Variants in ATP11C observed in about 807,000 individuals in gnomAD.
ATP11C encodes the protein ATPase phospholipid transporting 11C (ATP11C blood group).
A neutral mutation model predicts 97.4 loss-of-function variants in ATP11C; 36 were observed. That is an observed-to-expected ratio of 0.37 (90% confidence interval 0.28 to 0.49). The LOEUF (loss-of-function observed/expected upper bound fraction) is 0.49. Among genes scored for constraint, ATP11C ranks in the 20% least tolerant of loss-of-function variants. The pLI is 0.98. For synonymous variants in ATP11C, 275 were observed against 290.9 expected, an observed-to-expected ratio of 0.95 and a Z score of 0.56; for missense variants, 730 against 824.6, an observed-to-expected ratio of 0.89 and a Z score of 1.40.
At chrX:139,913,440 G>A (rs2085107285) in intron 1 of ATP11C, among the ~76,000 whole-genome samples, 1 of 111,903 alleles carries the variant, frequency 8.9e-6, no homozygotes, top group African/African-American at 3.2e-5. Flanking sequence ...CCCATAAACA[G>A]TGTCAGGCCT....
intron 1 of ATP11C, among the ~76,000 whole-genome samples, chrX:139,924,819 G>C (rs2085325389): frequency 8.9e-6 from 1 of 111,745 alleles, no homozygotes; most frequent in Non-Finnish European, 1.9e-5. Flanking sequence ...CAGTGAAAGA[G>C]GACTGGAAGC....
rs185231469 is a variant in ATP11C, at chrX:139,804,101, T to C, written c.555+370A>G. ...TGAAAATATACATTTTAGAAAAAAATAGATCAAATTGTAAGGTTAGCATAC... is the reference window on the plus strand; with the variant it reads ...TGAAAATATACATTTTAGAAAAAAACAGATCAAATTGTAAGGTTAGCATAC... On this transcript the variant is annotated intron_variant, in intron 6 of 29. Coordinates refer to ENST00000682941, the MANE Select transcript of ATP11C (RefSeq NM_001353812.2). 5.4e-3 allele frequency among the ~76,000 whole-genome samples: 600 copies of C among 111,173 alleles called. 10 individuals carry two copies. Among genetic ancestry groups the C allele is most frequent in the African/African-American group, 0.018 (549 of 30,647 alleles).
intron 1 of ATP11C, among the ~76,000 whole-genome samples, chrX:139,851,271 G>A (rs2083985549): frequency 1.8e-5 from 2 of 112,374 alleles, no homozygotes; most frequent in Non-Finnish European, 1.9e-5. Flanking sequence ...AGGGAGCCCA[G>A]GTGAGGATCG....
In ATP11C at chrX:139,787,223, T is replaced by A. The variant is rs770221486; in HGVS notation, c.1542A>T (p.Gly514=). ...CTACTCTCATATATCCATTTCGATTTCCTAAAAATGTGAACCCGTACCTAT... is the reference window on the plus strand; with the variant it reads ...CTACTCTCATATATCCATTTCGATTACCTAAAAATGTGAACCCGTACCTAT... ...GAKRYGFTFL[G]NRNGYMRVEN... Residue 514 remains glycine, a synonymous_variant, in exon 15 of 30, where the codon GGA becomes GGT. Transcript: ENST00000682941. 11 of 1,190,291 alleles carry A rather than the reference T, an allele frequency of 9.2e-6. No individual in the cohort carries two copies. The highest frequency in any genetic ancestry group is 1.1e-5 in the Non-Finnish European group (10 of 876,815).
chrX:139,759,885 T>C (rs1436234596), intron 22 of ATP11C, among the ~76,000 whole-genome samples: 3 of 111,986 alleles, frequency 2.7e-5, no homozygotes, highest in South Asian at 3.7e-4. Flanking sequence ...CTGGTGGCAG[T>C]TGCTTAAATT....
chrX:139,882,811 TAC>T (rs2084581565), intron 1 of ATP11C, among the ~76,000 whole-genome samples: 1 of 111,536 alleles, frequency 9.0e-6, no homozygotes, highest in African/African-American at 3.3e-5. Context: ...CAGCATTCTA[TAC>T]AGAGAGCTCA....
At chrX:139,834,501 A>G (rs746370563) in intron 1 of ATP11C, among the ~76,000 whole-genome samples, 3 of 111,946 alleles carry the variant, frequency 2.7e-5, no homozygotes, top group Non-Finnish European at 5.6e-5. Flanking sequence ...TGCTGCTATA[A>G]ATATAACTGA....
At chrX:139,830,135 A>G (rs1259635185) in intron 1 of ATP11C, among the ~76,000 whole-genome samples, 5 of 112,114 alleles carry the variant, frequency 4.5e-5, no homozygotes, top group Admixed American at 9.5e-5. Flanking sequence ...TGGCAAACTT[A>G]TATTTATGAG....
intron 18 of ATP11C, among the ~76,000 whole-genome samples, chrX:139,775,567 G>A (rs890533914): frequency 8.9e-6 from 1 of 112,606 alleles, no homozygotes; most frequent in Non-Finnish European, 1.9e-5. Flanking sequence ...TACAGAAAAG[G>A]GAAGAAGCGA....
At chrX:139,880,876 C>T (rs1321480759) in intron 1 of ATP11C, among the ~76,000 whole-genome samples, 1 of 111,890 alleles carries the variant, frequency 8.9e-6, no homozygotes, top group Non-Finnish European at 1.9e-5. Flanking sequence ...AGTAATTTTG[C>T]TTAATCTACA....
chrX:139,770,351 T>G (rs1382190178), intron 19 of ATP11C, among the ~76,000 whole-genome samples: 1 of 112,100 alleles, frequency 8.9e-6, no homozygotes, highest in Non-Finnish European at 1.9e-5. Context: ...GTGCAATATC[T>G]AAAGTAGGAC....
chrX:139,761,459 T>C (rs894996254), intron 22 of ATP11C, among the ~76,000 whole-genome samples: 3 of 111,527 alleles, frequency 2.7e-5, no homozygotes, highest in Non-Finnish European at 5.6e-5. Context: ...GACATGCTTA[T>C]AGACAATTAG....
intron 18 of ATP11C, among the ~76,000 whole-genome samples, chrX:139,777,254 A>G (rs1191244279): frequency 9.0e-6 from 1 of 110,951 alleles, no homozygotes; most frequent in Non-Finnish European, 1.9e-5. Context: ...GAGATCCAAG[A>G]GAAAGTTGAA....
At chrX:139,790,791 CAA>C (rs929943700) in intron 12 of ATP11C, among the ~76,000 whole-genome samples, 24 of 111,374 alleles carry the variant, frequency 2.2e-4, no homozygotes, top group South Asian at 3.8e-4. Context: ...TGAAAATACT[CAA>C]GTTTCCAAAT....
chrX:139,915,297 T>C (rs1350023767), intron 1 of ATP11C, among the ~76,000 whole-genome samples: 1 of 111,742 alleles, frequency 8.9e-6, no homozygotes, highest in Non-Finnish European at 1.9e-5. Context: ...TAAAAGTACT[T>C]GCACCTCGAT....
chrX:139,867,529 A>C (rs2084305718), intron 1 of ATP11C, among the ~76,000 whole-genome samples: 1 of 112,030 alleles, frequency 8.9e-6, no homozygotes, highest in South Asian at 3.7e-4. Context: ...CAGGCACCCA[A>C]ATAGATCATT....
Position 139,726,706 on chromosome X carries a change from G to T in ATP11C, c.*2260C>A, listed in dbSNP as rs1287557210. 8.9e-6 allele frequency: 1 copy of T among 112,196 alleles called. No homozygotes were observed. The highest frequency in any genetic ancestry group is 1.9e-5 in the Non-Finnish European group (1 of 53,141). 9.2% of individuals were successfully genotyped at this position (112,196 alleles called of 1,213,427 possible). ...TTAGTAGGTAACATCCTCAAACAAT[G>T]GACAGCGGTTGTGAAAATTACAAAG... On this transcript the variant is annotated 3_prime_UTR_variant, in exon 30 of 30. Transcript: ENST00000682941.
At position 139,900,367 on chromosome X, in the gene ATP11C, CAAAAAA is replaced by C. The variant is rs34007097; in HGVS notation, c.27+31643_27+31648del. The stretch of plus-strand genomic sequence containing the variant: ...CTGGCAACAGAGCGAGACTCCGTCT[CAAAAAA>C]AAAAAAAAAAAAAAAAAATTGCTAA... On this transcript the variant is annotated intron_variant, in intron 1 of 29. Transcript: ENST00000682941. Among the ~76,000 whole-genome samples the C allele has an allele frequency of 9.3e-3, 341 of 36,821 alleles. 1 individual carries two copies. Among genetic ancestry groups the C allele is most frequent in the Middle Eastern group, 0.025 (1 of 40 alleles). 32.0% of individuals were successfully genotyped at this position (36,821 alleles called of 115,157 possible). A position where few individuals can be genotyped will look rare whatever the true frequency, so the allele number is the denominator to read the frequency against.
Position 139,859,919 on chromosome X carries a change from G to C in ATP11C, c.28-33096C>G, listed in dbSNP as rs1444885584. Among the ~76,000 whole-genome samples, 8 of 95,713 alleles carry C rather than the reference G, an allele frequency of 8.4e-5. 1 individual carries two copies. The highest frequency in any genetic ancestry group is 2.1e-4 in the African/African-American group (4 of 19,181). 83.1% of individuals were successfully genotyped at this position (95,713 alleles called of 115,157 possible). On this transcript the variant is annotated intron_variant, in intron 1 of 29. Coordinates refer to ENST00000682941, the MANE Select transcript of ATP11C (RefSeq NM_001353812.2). ...GATCGAGACCATCCCGGCTAAAAAC[G>C]GTGAAACCCCGTCTCTACTAAAAAT...
Sources: allele counts gnomAD v4.1 joint callset (sites outside exome capture counted in the v4.1 genomes callset), GRCh38; gene constraint gnomAD v4.1.1; transcripts MANE v1.5; gene names NCBI Gene and HGNC (gene_info 2026-07-23, HGNC 2026-07-21).